APBA1: variants seen among roughly 807,000 people sequenced by gnomAD.
The protein encoded by APBA1 is amyloid-beta A4 precursor protein-binding family A member 1.
APBA1 carries 55 observed loss-of-function variants against 86.6 expected under a neutral mutation model. The observed-to-expected ratio is 0.64, with a 90% CI of 0.51 to 0.80. The LOEUF is 0.80. Among genes scored for constraint, APBA1 ranks in the 30% least tolerant of loss-of-function variants. The pLI is 0.00. For missense variants in APBA1, 1,090 were observed against 1,183.0 expected, an observed-to-expected ratio of 0.92 and a Z score of 1.15; for synonymous variants, 511 against 493.9, an observed-to-expected ratio of 1.03 and a Z score of -0.46.
At chr9:69,513,304 T>C (rs1256691412) in intron 2 of APBA1, among the ~76,000 whole-genome samples, 1 of 152,196 alleles carries the variant, frequency 6.6e-6, no homozygotes, top group African/African-American at 2.4e-5. Flanking sequence ...AACCCTACCA[T>C]AGGCTGTACT....
chr9:69,659,972 C>A (rs1274426541), intron 1 of APBA1, among the ~76,000 whole-genome samples: 1 of 152,130 alleles, frequency 6.6e-6, no homozygotes, highest in African/African-American at 2.4e-5. Flanking sequence ...TGGTCCCAAG[C>A]TTTTAATATA....
At chr9:69,511,205 T>C (rs1036003674) in intron 2 of APBA1, among the ~76,000 whole-genome samples, 4 of 151,990 alleles carry the variant, frequency 2.6e-5, no homozygotes, top group Admixed American at 2.0e-4. Flanking sequence ...GAATCTACAA[T>C]GAACTCAAAC....
At chr9:69,500,396 T>C (rs1835863334) in intron 2 of APBA1, among the ~76,000 whole-genome samples, 1 of 152,138 alleles carries the variant, frequency 6.6e-6, no homozygotes, top group African/African-American at 2.4e-5. Context: ...ACAGCTTCCC[T>C]GGGACATAAA....
intron 10 of APBA1, among the ~76,000 whole-genome samples, chr9:69,447,952 G>A (rs1250753725): frequency 6.6e-6 from 1 of 152,094 alleles, no homozygotes; most frequent in African/African-American, 2.4e-5. Flanking sequence ...TGCACCCAAG[G>A]TGTTTAATAA....
In APBA1 at chr9:69,476,118, G is replaced by T. The variant is rs138179284; in HGVS notation, c.1226C>A (p.Pro409His). The change falls in exon 3 of 13, where the codon CCC becomes CAC. Residue 409 changes from proline to histidine, a missense_variant. Pro to His is a moderately conservative substitution (Grantham distance 77). Transcript: ENST00000265381. ...GDSPSPGSSS[P>H]LGAESSSTSL... The stretch of plus-strand genomic sequence containing the variant: ...TGTGCTTGATGACTCTGCACCCAAG[G>T]GGGAGGAGCTGCCAGGAGACGGAGA... 24 of 1,613,824 alleles carry T rather than the reference G, an allele frequency of 1.5e-5. No homozygotes were observed. The highest frequency in any genetic ancestry group is 2.7e-5 in the African/African-American group (2 of 74,910).
chr9:69,664,675 T>C (rs951113315), intron 1 of APBA1, among the ~76,000 whole-genome samples: 9 of 152,366 alleles, frequency 5.9e-5, no homozygotes, highest in Admixed American at 5.9e-4. Context: ...TACTTCACTC[T>C]TTGCCTATAT....
intron 1 of APBA1, among the ~76,000 whole-genome samples, chr9:69,522,811 C>T (rs1423400428): frequency 6.6e-6 from 1 of 152,168 alleles, no homozygotes; most frequent in African/African-American, 2.4e-5. Context: ...GATGATGACC[C>T]ATGTGCCTCT....
chr9:69,516,401 G>A lies in APBA1; in HGVS notation c.810C>T (p.Ile270=). The A allele has an allele frequency of 6.2e-7, 1 of 1,604,370 alleles. No individual in the cohort carries two copies. Among genetic ancestry groups the A allele is most frequent in the Non-Finnish European group, 8.5e-7 (1 of 1,178,678 alleles). Residue 270 remains isoleucine (I), a synonymous_variant, in exon 2 of 13, where the codon ATC becomes ATT. Transcript: ENST00000265381. The surrounding 1 kb of genome is among the most constrained non-coding windows in gnomAD (Gnocchi z 7.3). Reference sequence around the variant, plus strand: ...GCTTCACCTCGGCCACTATCTGGTCGATGTCCTCCTCCTGCTCGTAGCTGT... The same window carrying A: ...GCTTCACCTCGGCCACTATCTGGTCAATGTCCTCCTCCTGCTCGTAGCTGT... ...RMDSYEQEED[I]DQIVAEVKQS...
intron 11 of APBA1, 68 bp downstream of exon 11, chr9:69,440,928 C>T (rs368789704): frequency 6.4e-6 from 10 of 1,567,034 alleles, no homozygotes; most frequent in Admixed American, 5.3e-5. Flanking sequence ...TTGGCTCCAC[C>T]CCCCCAGCCA....
Position 69,544,792 on chromosome 9 carries a change from TG to T in APBA1, c.-69-27514del, listed in dbSNP as rs375050118. ...TTATTTTCAGTCTATAGAGAATGCT[TG>T]TTATCTAGGTAGATGGTTTCAAGGA... On this transcript the variant is annotated intron_variant, in intron 1 of 12. Coordinates refer to ENST00000265381, the MANE Select transcript of APBA1 (RefSeq NM_001163.4). 1.3e-3 allele frequency among the ~76,000 whole-genome samples: 196 copies of T among 152,322 alleles called. 1 individual carries two copies. The highest frequency in any genetic ancestry group is 4.4e-3 in the African/African-American group (183 of 41,578).
chr9:69,599,558 T>C (rs1257330729), intron 1 of APBA1, among the ~76,000 whole-genome samples: 1 of 152,198 alleles, frequency 6.6e-6, no homozygotes, highest in Non-Finnish European at 1.5e-5. Context: ...AGTTTGATAA[T>C]TCAAAAATTA....
chr9:69,653,457 T>A (rs1285457303), intron 1 of APBA1, among the ~76,000 whole-genome samples: 1 of 152,210 alleles, frequency 6.6e-6, no homozygotes, highest in African/African-American at 2.4e-5. Flanking sequence ...CTAGGCCAAA[T>A]GGACCTAACA....
Position 69,432,565 on chromosome 9 carries a change from C to T in APBA1, c.2413G>A (p.Val805Ile), listed in dbSNP as rs371567762. The change falls in exon 12 of 13, where the codon GTC becomes ATC. Residue 805 changes from valine (V) to isoleucine (I), a missense_variant. Val to Ile is a conservative substitution (Grantham distance 29, BLOSUM62 3). Transcript: ENST00000265381. ...SVVATPHEKI[V>I]HILSNAVGEI... ...CCAACAGCATTGGAGAGAATGTGGA[C>T]GATCTTCTCGTGGGGGGTGGCCACG... The T allele has an allele frequency of 2.0e-5, 32 of 1,592,522 alleles. No homozygotes were observed. The highest frequency in any genetic ancestry group is 3.3e-4 in the Middle Eastern group (2 of 6,020).
At chr9:69,614,195 G>A (rs566439970) in intron 1 of APBA1, among the ~76,000 whole-genome samples, 1 of 152,196 alleles carries the variant, frequency 6.6e-6, no homozygotes, top group African/African-American at 2.4e-5. Context: ...CTTTTATCAG[G>A]TATTCTAAAC....
At position 69,500,923 on chromosome 9, in the gene APBA1, A is replaced by G. The variant is rs188428158; in HGVS notation, c.1200+15088T>C. Among the ~76,000 whole-genome samples the G allele has an allele frequency of 1.8e-4, 27 of 152,294 alleles. No individual in the cohort carries two copies. The East Asian group carries it at 3.5e-3, about 20-fold the overall frequency. On this transcript the variant is annotated intron_variant, in intron 2 of 12. Transcript: ENST00000265381. ...TTTCATTTTAAAGATGATCACATTT[A>G]TAGCCAAATCGCATTTCATAATTCT...
chr9:69,612,791 T>A (rs1308508796), intron 1 of APBA1, among the ~76,000 whole-genome samples: 1 of 151,922 alleles, frequency 6.6e-6, no homozygotes, highest in Non-Finnish European at 1.5e-5. Context: ...AATTCAGAGG[T>A]CATTAAAGGT....
chr9:69,463,735 G>A (rs959776818), intron 5 of APBA1: 1 of 152,164 alleles, frequency 6.6e-6, no homozygotes, highest in African/African-American at 2.4e-5. Context: ...CAAAACGGGG[G>A]TCCCTGCAGG....
intron 1 of APBA1, among the ~76,000 whole-genome samples, chr9:69,658,264 C>T (rs1318585089): frequency 1.5e-5 from 1 of 65,826 alleles, no homozygotes. Context: ...TTCTTTCTTT[C>T]TTTCTTTCTT....
chr9:69,512,070 T>C (rs1588331172), intron 2 of APBA1, among the ~76,000 whole-genome samples: 1 of 148,354 alleles, frequency 6.7e-6, no homozygotes, highest in African/African-American at 2.5e-5. Context: ...ACTTAAAGTA[T>C]AATAAATAAA....
Sources: allele counts gnomAD v4.1 joint callset (sites outside exome capture counted in the v4.1 genomes callset), GRCh38; gene constraint gnomAD v4.1.1; non-coding constraint Gnocchi (gnomAD v3.1); transcripts MANE v1.5; gene names NCBI Gene and HGNC (gene_info 2026-07-23, HGNC 2026-07-21).